Variants in CACNA2D1 observed in about 807,000 individuals in gnomAD.
CACNA2D1 encodes the protein calcium voltage-gated channel auxiliary subunit alpha2delta 1.
A neutral mutation model predicts 171.5 loss-of-function variants in CACNA2D1; 53 were observed. The observed-to-expected ratio is 0.31, with a 90% CI of 0.25 to 0.39. The LOEUF (loss-of-function observed/expected upper bound fraction) is 0.39. Ranked by LOEUF, CACNA2D1 falls within the 10% of genes least tolerant of loss-of-function variation. The pLI is 1.00. For synonymous variants in CACNA2D1, 442 were observed against 443.1 expected, an observed-to-expected ratio of 1.00 and a Z score of 0.03; for missense variants, 903 against 1,299.8, an observed-to-expected ratio of 0.69 and a Z score of 4.69.
rs558518398 is a variant in CACNA2D1, at chr7:81,946,802, T to C, written c.*3590A>G. 3.9e-5 allele frequency: 6 copies of C among 152,172 alleles called. No individual in the cohort carries two copies. Among genetic ancestry groups the C allele is most frequent in the African/African-American group, 1.4e-4 (6 of 41,528 alleles). 9.4% of individuals were successfully genotyped at this position (152,172 alleles called of 1,614,324 possible). Reference sequence around the variant, plus strand: ...AGTATCCCATTAGTTTCAGTGGAATTTGAGATAACTGTGTGAACTAGAAAT... The same window carrying C: ...AGTATCCCATTAGTTTCAGTGGAATCTGAGATAACTGTGTGAACTAGAAAT... On this transcript the variant is annotated 3_prime_UTR_variant, in exon 39 of 39. Coordinates refer to ENST00000356860, the MANE Select transcript of CACNA2D1 (RefSeq NM_000722.4).
intron 25 of CACNA2D1, 25 bp from the exon 26 acceptor site, chr7:81,971,889 T>A (rs1339923103): frequency 7.5e-7 from 1 of 1,330,132 alleles, no homozygotes; most frequent in Non-Finnish European, 1.1e-6. Flanking sequence ...GATCATCAGT[T>A]ACACTCACAT....
At chr7:81,965,837 T>C (rs1050474584) in intron 31 of CACNA2D1, among the ~76,000 whole-genome samples, 172 bp from the exon 32 acceptor site, 1 of 151,838 alleles carries the variant, frequency 6.6e-6, no homozygotes, top group African/African-American at 2.4e-5. Flanking sequence ...CATGCATAGA[T>C]TTATATCAAA....
In CACNA2D1 at chr7:81,950,372, C is replaced by G. The variant is rs887563392; in HGVS notation, c.*20G>C. ...TGGCAGGGTCTGGAGTTTAACTATGCAGATTTGGTTTTTAGAAGGTCATAA... is the reference window on the plus strand; with the variant it reads ...TGGCAGGGTCTGGAGTTTAACTATGGAGATTTGGTTTTTAGAAGGTCATAA... On this transcript the variant is annotated 3_prime_UTR_variant, in exon 39 of 39. Coordinates refer to ENST00000356860, the MANE Select transcript of CACNA2D1 (RefSeq NM_000722.4). 3.1e-6 allele frequency: 5 copies of G among 1,612,810 alleles called. No homozygotes were observed. In the South Asian group the frequency reaches 5.5e-5, roughly 18 times the overall value.
intron 12 of CACNA2D1, chr7:82,027,856 C>G (rs1802137267): frequency 6.6e-6 from 1 of 151,412 alleles, no homozygotes; most frequent in Admixed American, 6.6e-5. Flanking sequence ...TTCAGTGGTC[C>G]CTGAAGCTGG....
intron 3 of CACNA2D1, among the ~76,000 whole-genome samples, chr7:82,266,717 A>G (rs1425187159): frequency 1.3e-5 from 2 of 152,012 alleles, no homozygotes; most frequent in East Asian, 3.9e-4. Flanking sequence ...AGGTTTCACA[A>G]TTTTGGCCAG....
At position 82,335,367 on chromosome 7, in the gene CACNA2D1, T is replaced by C. The variant is rs562652495; in HGVS notation, c.178-116A>G. ...CTGATTAGAAACACCACCCTGTTCT[T>C]TATCTTGATCTTTTTGGAGTTTGAG... On this transcript the variant is annotated intron_variant, in intron 2 of 38. Transcript: ENST00000356860. 3.0e-5 allele frequency: 21 copies of C among 711,704 alleles called. No homozygotes were observed. The South Asian group carries it at 3.3e-4, about 11-fold the overall frequency. The allele number at this position is 711,704 out of a possible 1,614,324, so 44.1% of individuals were successfully genotyped here. A position where few individuals can be genotyped will look rare whatever the true frequency, so the allele number is the denominator to read the frequency against.
chr7:82,357,724 G>T (rs2018694), intron 1 of CACNA2D1, among the ~76,000 whole-genome samples: 24 of 121,840 alleles, frequency 2.0e-4, no homozygotes, highest in East Asian at 1.2e-3. Context: ...GGTGGGGGGT[G>T]GGGGGAGGGA....
chr7:82,321,334 G>A (rs1815839754), intron 3 of CACNA2D1, among the ~76,000 whole-genome samples: 3 of 152,146 alleles, frequency 2.0e-5, no homozygotes, highest in South Asian at 4.1e-4. Flanking sequence ...GGGAGGTGGA[G>A]GTTGCAGTGG....
intron 6 of CACNA2D1, among the ~76,000 whole-genome samples, chr7:82,097,223 AG>A (rs538525524): frequency 2.7e-4 from 41 of 152,302 alleles, no homozygotes; most frequent in African/African-American, 9.6e-4. Flanking sequence ...GGGCAATTGC[AG>A]GGATGTTATT....
At chr7:82,298,189 A>T (rs912708392) in intron 3 of CACNA2D1, among the ~76,000 whole-genome samples, 1 of 152,202 alleles carries the variant, frequency 6.6e-6, no homozygotes, top group African/African-American at 2.4e-5. Flanking sequence ...AACTAGTATC[A>T]TGTAAATGTT....
intron 3 of CACNA2D1, among the ~76,000 whole-genome samples, chr7:82,319,088 C>G (rs1475163257): frequency 6.6e-6 from 1 of 151,972 alleles, no homozygotes; most frequent in African/African-American, 2.4e-5. Flanking sequence ...CTATCAATAC[C>G]AAGTATAGAA....
At chr7:82,304,673 A>T (rs544145196) in intron 3 of CACNA2D1, among the ~76,000 whole-genome samples, 1 of 152,306 alleles carries the variant, frequency 6.6e-6, no homozygotes. Context: ...GGAGGTAAAA[A>T]GTATAATGAT....
At chr7:82,401,943 C>T (rs768961661) in intron 1 of CACNA2D1, among the ~76,000 whole-genome samples, 15 of 152,008 alleles carry the variant, frequency 9.9e-5, no homozygotes, top group African/African-American at 2.4e-4. Flanking sequence ...ATAGAAAGCG[C>T]GAAAGCAGAG....
chr7:82,026,096 G>C (rs1801874219), intron 12 of CACNA2D1, among the ~76,000 whole-genome samples: 1 of 146,950 alleles, frequency 6.8e-6, no homozygotes, highest in South Asian at 2.1e-4. Context: ...TATAAATGTA[G>C]CTATCCATAC....
intron 3 of CACNA2D1, among the ~76,000 whole-genome samples, chr7:82,172,655 C>A (rs1796152230): frequency 8.8e-6 from 1 of 114,200 alleles, no homozygotes; most frequent in African/African-American, 3.6e-5. Flanking sequence ...AAGATGGGGT[C>A]TCAAACTCCT....
intron 1 of CACNA2D1, among the ~76,000 whole-genome samples, chr7:82,385,868 T>C (rs559889105): frequency 6.6e-6 from 1 of 152,244 alleles, no homozygotes; most frequent in Non-Finnish European, 1.5e-5. Flanking sequence ...TTTCACCATG[T>C]TGGCCAGGCT....
At chr7:82,088,492 T>A (rs905272557) in intron 6 of CACNA2D1, among the ~76,000 whole-genome samples, 1 of 152,222 alleles carries the variant, frequency 6.6e-6, no homozygotes, top group Non-Finnish European at 1.5e-5. Context: ...AAGTTTCATT[T>A]GTCATTGTAT....
chr7:82,002,651 T>C (rs1798725874), intron 18 of CACNA2D1, among the ~76,000 whole-genome samples: 1 of 152,156 alleles, frequency 6.6e-6, no homozygotes, highest in Non-Finnish European at 1.5e-5. Context: ...AAATGAGATA[T>C]CTAATTAAGT....
chr7:82,391,594 A>C (rs1272033847), intron 1 of CACNA2D1, among the ~76,000 whole-genome samples: 6 of 152,310 alleles, frequency 3.9e-5, no homozygotes, highest in Middle Eastern at 3.4e-3. Flanking sequence ...CCAACAATAC[A>C]ATTTTTTTGT....
Sources: gnomAD v4.1 joint callset for allele counts (sites outside exome capture counted in the v4.1 genomes callset) on GRCh38, gnomAD v4.1.1 for gene constraint, MANE v1.5 for transcripts, NCBI Gene and HGNC (gene_info 2026-07-23, HGNC 2026-07-21) for gene names.